GOLT1A: variants seen among roughly 807,000 people sequenced by gnomAD.
GOLT1A encodes the protein vesicle transport protein GOT1A.
GOLT1A carries 10 observed loss-of-function variants against 16.1 expected under a neutral mutation model. That is an observed-to-expected ratio of 0.62 (90% CI 0.38 to 1.05). GOLT1A has a LOEUF of 1.05. Among genes scored for constraint, GOLT1A ranks in the 50% least tolerant of loss-of-function variants. GOLT1A has a pLI of 0.01. For synonymous variants in GOLT1A, 60 were observed against 67.9 expected (o/e 0.88, Z 0.57); for missense variants, 137 against 165.7 (o/e 0.83, Z 0.95).
chr1:204,204,232 G>C (rs1659007554), intron 1 of GOLT1A, among the ~76,000 whole-genome samples: 1 of 152,080 alleles, frequency 6.6e-6, no homozygotes, highest in South Asian at 2.1e-4. Flanking sequence ...CAGTTCAGTG[G>C]TATTAAGCGC....
intron 1 of GOLT1A, among the ~76,000 whole-genome samples, chr1:204,213,083 C>G (rs1435655763): frequency 6.6e-6 from 1 of 152,120 alleles, no homozygotes; most frequent in Admixed American, 6.5e-5. Flanking sequence ...AATAGCGACC[C>G]CTCCTACCTC....
At chr1:204,206,394 C>T (rs1659039645) in intron 1 of GOLT1A, among the ~76,000 whole-genome samples, 2 of 152,212 alleles carry the variant, frequency 1.3e-5, no homozygotes, top group Non-Finnish European at 2.9e-5. Flanking sequence ...AGAATATCAC[C>T]CCCATGGGTC....
chr1:204,209,401 C>G (rs1345219910), intron 1 of GOLT1A, among the ~76,000 whole-genome samples: 1 of 152,196 alleles, frequency 6.6e-6, no homozygotes, highest in Non-Finnish European at 1.5e-5. Flanking sequence ...ACCCTTCTCA[C>G]CCTGCTGGGG....
chr1:204,203,409 G>A (rs1658992575), intron 1 of GOLT1A, among the ~76,000 whole-genome samples: 1 of 152,128 alleles, frequency 6.6e-6, no homozygotes, highest in Non-Finnish European at 1.5e-5. Flanking sequence ...GCGCAGAAGG[G>A]AGCCACTGAA....
intron 1 of GOLT1A, among the ~76,000 whole-genome samples, chr1:204,207,860 A>G (rs1357689561): frequency 1.3e-5 from 2 of 152,170 alleles, no homozygotes; most frequent in Non-Finnish European, 2.9e-5. Context: ...TGAATAGACA[A>G]TTCTCAAAAG....
At chr1:204,212,556 G>A (rs1445157064) in intron 1 of GOLT1A, among the ~76,000 whole-genome samples, 3 of 147,248 alleles carry the variant, frequency 2.0e-5, no homozygotes, top group Non-Finnish European at 4.5e-5. Context: ...AGAATCGCTT[G>A]AACCCAGGAG....
Position 204,198,367 on chromosome 1 carries a change from G to T in GOLT1A, c.*91C>A. 1 of 1,163,090 alleles carries T rather than the reference G, an allele frequency of 8.6e-7. No homozygotes were observed. Among genetic ancestry groups the T allele is most frequent in the Non-Finnish European group, 1.3e-6 (1 of 787,128 alleles). The allele number at this position is 1,163,090 out of a possible 1,614,324, so 72.0% of individuals were successfully genotyped here. ...GGGAGGTCCGGATATGTCGGGGAGTGAGTCAGTGCAGGGGACTGAGGGGGT... is the reference window on the plus strand; with the variant it reads ...GGGAGGTCCGGATATGTCGGGGAGTTAGTCAGTGCAGGGGACTGAGGGGGT... On this transcript the variant is annotated 3_prime_UTR_variant, in exon 5 of 5. Coordinates refer to ENST00000308302, the MANE Select transcript of GOLT1A (RefSeq NM_198447.2).
At chr1:204,205,230 A>G (rs1454835667) in intron 1 of GOLT1A, among the ~76,000 whole-genome samples, 1 of 152,108 alleles carries the variant, frequency 6.6e-6, no homozygotes, top group African/African-American at 2.4e-5. Flanking sequence ...CCTAGAAATC[A>G]TTATCAAATC....
chr1:204,206,726 G>A (rs566633666), intron 1 of GOLT1A, among the ~76,000 whole-genome samples: 30 of 152,324 alleles, frequency 2.0e-4, no homozygotes, highest in South Asian at 4.1e-4. Context: ...TTTTCATTTC[G>A]TTTTGTTGAA....
Position 204,201,722 on chromosome 1 carries a change from G to C in GOLT1A, c.207C>G (p.Ser69Arg), listed in dbSNP as rs772893345. 6.2e-7 allele frequency: 1 copy of C among 1,614,086 alleles called. No individual in the cohort carries two copies. The highest frequency in any genetic ancestry group is 8.5e-7 in the Non-Finnish European group (1 of 1,180,042). Residue 69 changes from serine to arginine, a missense_variant, in exon 3 of 5, where the codon AGC becomes AGG. Coordinates refer to ENST00000308302, the MANE Select transcript of GOLT1A (RefSeq NM_198447.2). ...FFQRHKLKGTSFLLGGVVIVL... is the reference protein window; with the variant it reads ...FFQRHKLKGTRFLLGGVVIVL... ...CGATAACCACACCCCCCAGGAGGAA[G>C]CTGGTTCCCTTGAGTTTGTGCCGTT...
In GOLT1A at chr1:204,202,882, G is replaced by A. The variant is rs1275086615; in HGVS notation, c.117+14C>T. ...TGGGGCAGGGGAGTGGGGACACAGG[G>A]CTGGGAGACTCACGTTTCCAAAGGC... On this transcript the variant is annotated intron_variant, in intron 2 of 4. Coordinates refer to ENST00000308302, the MANE Select transcript of GOLT1A (RefSeq NM_198447.2). 1.2e-6 allele frequency: 2 copies of A among 1,600,840 alleles called. No individual in the cohort carries two copies. Among genetic ancestry groups the A allele is most frequent in the East Asian group, 4.5e-5 (2 of 44,830 alleles).
At chr1:204,198,994 C>A in intron 4 of GOLT1A, 1 of 583,960 alleles carries the variant, frequency 1.7e-6, no homozygotes. Flanking sequence ...CGTCTGGATC[C>A]CCTCTCCTCA....
intron 2 of GOLT1A, 98 bp from the exon 3 acceptor site, chr1:204,201,909 G>T: frequency 9.0e-7 from 1 of 1,110,282 alleles, no homozygotes; most frequent in Non-Finnish European, 1.3e-6. Context: ...GACAGGATGT[G>T]CTAACTGTTC....
chr1:204,198,883 C>G (rs953729099), intron 4 of GOLT1A: 1 of 484,850 alleles, frequency 2.1e-6, no homozygotes, highest in Non-Finnish European at 3.7e-6. Flanking sequence ...CAGGCATGTC[C>G]TGGCTGAGTC....
intron 1 of GOLT1A, among the ~76,000 whole-genome samples, chr1:204,207,279 A>G (rs1282418508): frequency 1.3e-5 from 2 of 152,214 alleles, no homozygotes; most frequent in East Asian, 3.9e-4. Context: ...GGAGGCGGCC[A>G]GGGCTGTCAC....
At chr1:204,208,362 ATGTG>A (rs57833360) in intron 1 of GOLT1A, among the ~76,000 whole-genome samples, 1 of 143,360 alleles carries the variant, frequency 7.0e-6, no homozygotes, top group Non-Finnish European at 1.5e-5. Context: ...GTATGTATAT[ATGTG>A]TGTATCTATA....
chr1:204,212,290 G>A (rs781252630), intron 1 of GOLT1A, among the ~76,000 whole-genome samples: 1 of 152,062 alleles, frequency 6.6e-6, no homozygotes, highest in Non-Finnish European at 1.5e-5. Context: ...CATGGACCAC[G>A]CCCCGCTAAT....
chr1:204,201,536 AG>A, intron 3 of GOLT1A, 96 bp downstream of exon 3: 1 of 1,253,892 alleles, frequency 8.0e-7, no homozygotes, highest in Non-Finnish European at 1.1e-6. Flanking sequence ...CATCTCTTGC[AG>A]GATAAAGTCC....
chr1:204,206,273 G>C (rs1051773154), intron 1 of GOLT1A, among the ~76,000 whole-genome samples: 1 of 152,188 alleles, frequency 6.6e-6, no homozygotes, highest in African/African-American at 2.4e-5. Flanking sequence ...TCTACTAAAA[G>C]CTGATTCCTT....
Sources: allele counts gnomAD v4.1 joint callset (sites outside exome capture counted in the v4.1 genomes callset), GRCh38; gene constraint gnomAD v4.1.1; transcripts MANE v1.5; gene names NCBI Gene and HGNC (gene_info 2026-07-23, HGNC 2026-07-21).